HIVEP3: variants seen among roughly 807,000 people sequenced by gnomAD.
The protein encoded by HIVEP3 is transcription factor HIVEP3.
A neutral mutation model predicts 152.8 loss-of-function variants in HIVEP3; 49 were observed. The ratio of observed to expected loss-of-function variants is 0.32; its 90% confidence interval spans 0.26 to 0.41. The LOEUF (loss-of-function observed/expected upper bound fraction) is 0.41. Among genes scored for constraint, HIVEP3 ranks in the 10% least tolerant of loss-of-function variants. The pLI is 1.00. For synonymous variants in HIVEP3, 1,269 were observed against 1,289.0 expected (o/e 0.98, Z 0.33); for missense variants, 2,790 against 3,103.3 (o/e 0.90, Z 2.40).
chr1:41,573,367 C>T (rs1644279694), intron 5 of HIVEP3, among the ~76,000 whole-genome samples: 1 of 152,180 alleles, frequency 6.6e-6, no homozygotes, highest in African/African-American at 2.4e-5. Flanking sequence ...TTTCCAAACA[C>T]TCTGCGGGGT....
At chr1:41,897,604 C>T (rs783629) in intron 1 of HIVEP3, among the ~76,000 whole-genome samples, 80,818 of 151,830 alleles carry the variant, frequency 0.53, 21,683 homozygotes, top group Middle Eastern at 0.58. Context: ...AGGTATTTTG[C>T]TATAGCAGCA....
At position 41,524,738 on chromosome 1, in the gene HIVEP3, T is replaced by C; in HGVS notation, c.5380A>G (p.Lys1794Glu). 6.2e-7 allele frequency: 1 copy of C among 1,613,696 alleles called. No homozygotes were observed. Among genetic ancestry groups the C allele is most frequent in the East Asian group, 2.2e-5 (1 of 44,876 alleles). ...GCCCCAGCTGACTCTCTCTTACCTT[T>C]GGTTTTAAAAGCAAAGTGACAGTGC... The part of the protein sequence containing the change: ...CKHCHFAFKT[K>E]GNLTKHMKSK... The change falls in exon 6 of 9, where the codon AAA becomes GAA. Residue 1794 changes from lysine (K) to glutamate (E), a missense_variant. Coordinates refer to ENST00000372583, the MANE Select transcript of HIVEP3 (RefSeq NM_024503.5).
chr1:41,944,648 T>C (rs890000293), intron 1 of HIVEP3, among the ~76,000 whole-genome samples: 1 of 152,144 alleles, frequency 6.6e-6, no homozygotes, highest in African/African-American at 2.4e-5. Flanking sequence ...GATCCCTTTC[T>C]TTGTGGTCAA....
rs933963975 is a variant in HIVEP3, at chr1:41,635,533, C to A, written c.-720-6586G>T. 2.8e-5 allele frequency among the ~76,000 whole-genome samples: 4 copies of A among 144,492 alleles called. 1 individual carries two copies. The highest frequency in any genetic ancestry group is 6.9e-5 in the Admixed American group (1 of 14,498). The allele number at this position is 144,492 out of a possible 152,430, so 94.8% of individuals were successfully genotyped here. Reference sequence around the variant, plus strand: ...ATATAGCTGCATATATACATATATGCACGTATATGTATGTATATATACATA... The same window carrying A: ...ATATAGCTGCATATATACATATATGAACGTATATGTATGTATATATACATA... On this transcript the variant is annotated intron_variant, in intron 2 of 8. Coordinates refer to ENST00000372583, the MANE Select transcript of HIVEP3 (RefSeq NM_024503.5).
chr1:41,830,280 TGGAA>T (rs1471664665), intron 1 of HIVEP3, among the ~76,000 whole-genome samples: 2 of 131,558 alleles, frequency 1.5e-5, no homozygotes, highest in Non-Finnish European at 1.7e-5. Flanking sequence ...TCCCATAAGT[TGGAA>T]GTCAGTAAAT....
intron 1 of HIVEP3, among the ~76,000 whole-genome samples, chr1:41,905,644 A>C (rs985642776): frequency 6.6e-6 from 1 of 152,204 alleles, no homozygotes; most frequent in Non-Finnish European, 1.5e-5. Context: ...CAGTTAGTAT[A>C]TGACAGAGTT....
chr1:41,613,073 A>T (rs530917372), intron 3 of HIVEP3, among the ~76,000 whole-genome samples: 2 of 152,332 alleles, frequency 1.3e-5, no homozygotes, highest in South Asian at 4.1e-4. Flanking sequence ...GGAGCAGTGG[A>T]GGACAGCCAG....
intron 1 of HIVEP3, among the ~76,000 whole-genome samples, chr1:41,902,628 G>C (rs1260857457): frequency 3.3e-5 from 5 of 152,234 alleles, no homozygotes; most frequent in Admixed American, 3.3e-4. Context: ...TTTAGAAACA[G>C]AGGCTACAGA....
At chr1:42,004,441 A>G (rs1645446651) in intron 1 of HIVEP3, among the ~76,000 whole-genome samples, 1 of 152,140 alleles carries the variant, frequency 6.6e-6, no homozygotes, top group South Asian at 2.1e-4. Context: ...TTTGTATATC[A>G]CCGTCTTTCC....
intron 1 of HIVEP3, among the ~76,000 whole-genome samples, chr1:41,819,937 T>G (rs1642539710): frequency 6.6e-6 from 1 of 152,164 alleles, no homozygotes; most frequent in African/African-American, 2.4e-5. Flanking sequence ...CCATACAGTC[T>G]CTGTCATGGC....
At chr1:41,512,448 G>C (rs532921292) in intron 8 of HIVEP3, among the ~76,000 whole-genome samples, 1 of 152,166 alleles carries the variant, frequency 6.6e-6, no homozygotes. Flanking sequence ...CTGGCACCAC[G>C]CTTCCTGTAC....
chr1:41,862,554 C>T (rs1467745364), intron 1 of HIVEP3, among the ~76,000 whole-genome samples: 3 of 152,182 alleles, frequency 2.0e-5, no homozygotes, highest in Non-Finnish European at 4.4e-5. Context: ...CCACTGCAAA[C>T]ATCCTGGCAT....
rs371376712 is a variant in HIVEP3, at chr1:41,648,257, C to T, written c.-720-19310G>A. Among the ~76,000 whole-genome samples, 9 of 152,276 alleles carry T rather than the reference C, an allele frequency of 5.9e-5. 1 individual carries two copies. The highest frequency in any genetic ancestry group is 4.1e-4 in the South Asian group (2 of 4,828). Reference sequence around the variant, plus strand: ...ATTTCTCATGTCTTTCATCCTAGTCCGACAAAGGAAAATGGAGTTAATGCA... The same window carrying T: ...ATTTCTCATGTCTTTCATCCTAGTCTGACAAAGGAAAATGGAGTTAATGCA... On this transcript the variant is annotated intron_variant, in intron 2 of 8. Transcript: ENST00000372583.
intron 1 of HIVEP3, among the ~76,000 whole-genome samples, chr1:41,911,833 C>T (rs1188836884): frequency 6.6e-6 from 1 of 152,126 alleles, no homozygotes; most frequent in Non-Finnish European, 1.5e-5. Context: ...AGAGCTGGTA[C>T]CCAAGACCCC....
chr1:41,897,938 G>GAGAGAGAGA (rs1644556974), intron 1 of HIVEP3, among the ~76,000 whole-genome samples: 1 of 130,000 alleles, frequency 7.7e-6, no homozygotes, highest in African/African-American at 3.0e-5. Flanking sequence ...TGAGAGAGAG[G>GAGAGAGAGA]GAGAGAGAGA....
chr1:41,995,935 G>A (rs1451780710), intron 1 of HIVEP3, among the ~76,000 whole-genome samples: 9 of 152,158 alleles, frequency 5.9e-5, no homozygotes, highest in African/African-American at 1.4e-4. Flanking sequence ...CTTGGTTCAC[G>A]TATCCTCACC....
intron 6 of HIVEP3, among the ~76,000 whole-genome samples, chr1:41,523,924 T>C (rs1642830145): frequency 6.6e-6 from 1 of 152,228 alleles, no homozygotes; most frequent in African/African-American, 2.4e-5. Flanking sequence ...GTGAGCAAGC[T>C]GCCAGGACCT....
At chr1:41,652,247 C>T (rs1276888526) in intron 2 of HIVEP3, among the ~76,000 whole-genome samples, 9 of 152,178 alleles carry the variant, frequency 5.9e-5, no homozygotes, top group Non-Finnish European at 7.3e-5. Flanking sequence ...ATGTCCCTTG[C>T]CATCTAATCC....
At chr1:41,549,753 C>G (rs1039531921) in intron 5 of HIVEP3, among the ~76,000 whole-genome samples, 1 of 152,080 alleles carries the variant, frequency 6.6e-6, no homozygotes, top group African/African-American at 2.4e-5. Flanking sequence ...TGTTTAAGTT[C>G]TTTGTAGATT....
Sources: gnomAD v4.1 joint callset for allele counts (sites outside exome capture counted in the v4.1 genomes callset) on GRCh38, gnomAD v4.1.1 for gene constraint, MANE v1.5 for transcripts, NCBI Gene and HGNC (gene_info 2026-07-23, HGNC 2026-07-21) for gene names.